RNF216: variants seen among roughly 807,000 people sequenced by gnomAD.
RNF216 encodes the protein ring finger protein 216.
A neutral mutation model predicts 110.8 loss-of-function variants in RNF216; 72 were observed. The observed-to-expected ratio is 0.65, with a 90% CI of 0.54 to 0.79. RNF216 has a LOEUF of 0.79. Among genes scored for constraint, RNF216 ranks in the 30% least tolerant of loss-of-function variants. The pLI, the probability that RNF216 is intolerant of heterozygous loss-of-function variation, is 0.00. For missense variants in RNF216, 1,342 were observed against 1,141.2 expected, an observed-to-expected ratio of 1.18 and a Z score of -2.54; for synonymous variants, 495 against 407.5, an observed-to-expected ratio of 1.21 and a Z score of -2.59.
At chr7:5,655,292 C>T (rs1432029909) in intron 13 of RNF216, among the ~76,000 whole-genome samples, 1 of 152,164 alleles carries the variant, frequency 6.6e-6, no homozygotes, top group East Asian at 1.9e-4. Flanking sequence ...GCGCTTCTTA[C>T]TGAAGGGCCC....
intron 1 of RNF216, among the ~76,000 whole-genome samples, chr7:5,761,386 T>C (rs1307818357): frequency 1.3e-5 from 2 of 152,076 alleles, no homozygotes; most frequent in African/African-American, 2.4e-5. Context: ...ACAAATATGC[T>C]AACAAAGAAA....
At chr7:5,760,287 C>T (rs148113247) in intron 2 of RNF216, 6,499 of 162,844 alleles carry the variant, frequency 0.04, 189 homozygotes, top group East Asian at 0.067. Flanking sequence ...CAGGCTGAGG[C>T]GGGCGGATCA....
intron 6 of RNF216, among the ~76,000 whole-genome samples, chr7:5,730,097 T>A (rs550579867): frequency 2.8e-4 from 42 of 152,206 alleles, no homozygotes; most frequent in Non-Finnish European, 7.3e-5. Flanking sequence ...AGATGTATAG[T>A]ATACGCTGTA....
chr7:5,644,181 T>A (rs1272378271), intron 14 of RNF216, among the ~76,000 whole-genome samples: 1 of 152,206 alleles, frequency 6.6e-6, no homozygotes, highest in Non-Finnish European at 1.5e-5. Flanking sequence ...TTGTTTTCAC[T>A]TATGTTGGGT....
intron 2 of RNF216, among the ~76,000 whole-genome samples, chr7:5,755,044 A>G (rs1795547568): frequency 1.4e-5 from 2 of 140,052 alleles, no homozygotes; most frequent in South Asian, 2.7e-4. Flanking sequence ...AAAAAAAAAA[A>G]GGAAACAAGG....
chr7:5,638,821 A>G (rs573694614), intron 15 of RNF216, among the ~76,000 whole-genome samples: 44 of 152,104 alleles, frequency 2.9e-4, no homozygotes, highest in African/African-American at 8.2e-4. Flanking sequence ...TTTTGTAAAG[A>G]TGGGGGTCTC....
At position 5,702,181 on chromosome 7, in the gene RNF216, G is replaced by C. The variant is rs1015303411; in HGVS notation, c.2061+9580C>G. Among the ~76,000 whole-genome samples the C allele has an allele frequency of 9.2e-5, 14 of 152,194 alleles. No individual in the cohort carries two copies. In the East Asian group the frequency reaches 2.5e-3, roughly 27 times the overall value. ...GTCAGCAGTTGCCTCTGCGAGTTTC[G>C]AGGGGAGAAACCTGAGGGGCTGCAG... On this transcript the variant is annotated intron_variant, in intron 13 of 16. Coordinates refer to ENST00000389902, the MANE Select transcript of RNF216 (RefSeq NM_207111.4).
chr7:5,719,977 T>C (rs985121255), intron 9 of RNF216, among the ~76,000 whole-genome samples: 5 of 152,224 alleles, frequency 3.3e-5, no homozygotes, highest in African/African-American at 1.2e-4. Context: ...GGTCAAAACT[T>C]GGTAAAGTAA....
chr7:5,781,425 C>G (rs1305334138), intron 1 of RNF216, 116 bp downstream of exon 1: 1 of 150,668 alleles, frequency 6.6e-6, no homozygotes, highest in Non-Finnish European at 1.5e-5. Context: ...CGGCGGCCCT[C>G]ACGGCCCGCG....
intron 15 of RNF216, among the ~76,000 whole-genome samples, chr7:5,637,640 G>T (rs137917971): frequency 6.6e-6 from 1 of 152,004 alleles, no homozygotes; most frequent in South Asian, 2.1e-4. Flanking sequence ...CTAACGTCCC[G>T]GGCTAAAGCA....
At chr7:5,631,907 C>T (rs10236186) in intron 15 of RNF216, among the ~76,000 whole-genome samples, 1,571 of 152,300 alleles carry the variant, frequency 0.01, 28 homozygotes, top group African/African-American at 0.036. Context: ...CTGCCTTGTA[C>T]GGATTGCTTA....
chr7:5,647,600 C>T (rs980479217), intron 14 of RNF216, among the ~76,000 whole-genome samples: 3 of 152,038 alleles, frequency 2.0e-5, no homozygotes, highest in Non-Finnish European at 4.4e-5. Flanking sequence ...TCCCAAAGTG[C>T]TGGGATTACC....
chr7:5,665,816 C>T (rs1047112470), intron 13 of RNF216, among the ~76,000 whole-genome samples: 4 of 152,036 alleles, frequency 2.6e-5, no homozygotes, highest in African/African-American at 9.7e-5. Flanking sequence ...ACAGAATCAC[C>T]GAGACTATAT....
chr7:5,754,118 TG>T (rs1204218110), intron 2 of RNF216, among the ~76,000 whole-genome samples: 1 of 125,902 alleles, frequency 7.9e-6, no homozygotes, highest in South Asian at 2.8e-4. Flanking sequence ...TTCTTTTGTG[TG>T]GTGTGTGTGT....
intron 13 of RNF216, among the ~76,000 whole-genome samples, chr7:5,675,120 T>C (rs964438465): frequency 6.6e-6 from 1 of 152,222 alleles, no homozygotes; most frequent in Non-Finnish European, 1.5e-5. Flanking sequence ...GGTGAATTTT[T>C]TATTTTAAAT....
At chr7:5,723,119 T>C (rs1470070704) in intron 8 of RNF216, among the ~76,000 whole-genome samples, 2 of 152,136 alleles carry the variant, frequency 1.3e-5, no homozygotes, top group African/African-American at 4.8e-5. Flanking sequence ...TTCTATAAAA[T>C]GATAATAATG....
chr7:5,655,905 G>A (rs1342123561), intron 13 of RNF216, among the ~76,000 whole-genome samples: 1 of 152,110 alleles, frequency 6.6e-6, no homozygotes, highest in African/African-American at 2.4e-5. Flanking sequence ...CACCCTGGCT[G>A]GAGTGCTGTA....
chr7:5,735,681 A>G lies in RNF216; in HGVS notation c.1121+3595T>C, dbSNP rs570463109. On this transcript the variant is annotated intron_variant, in intron 5 of 16. Transcript: ENST00000389902. The stretch of plus-strand genomic sequence containing the variant: ...ATGGAGATTGTGGGAGAAGAGTTAC[A>G]GAAGACAGGAAACAGCTACAAAATT... 5.3e-5 allele frequency among the ~76,000 whole-genome samples: 8 copies of G among 152,324 alleles called. No individual in the cohort carries two copies. In the South Asian group the frequency reaches 8.3e-4, roughly 16 times the overall value.
intron 15 of RNF216, among the ~76,000 whole-genome samples, chr7:5,634,760 G>A (rs1039798837): frequency 1.3e-5 from 2 of 152,214 alleles, no homozygotes; most frequent in Non-Finnish European, 2.9e-5. Flanking sequence ...CTCACCCAGG[G>A]GCCTGGTGGG....
Sources: gnomAD v4.1 joint callset for allele counts (sites outside exome capture counted in the v4.1 genomes callset) on GRCh38, gnomAD v4.1.1 for gene constraint, MANE v1.5 for transcripts, NCBI Gene and HGNC (gene_info 2026-07-23, HGNC 2026-07-21) for gene names.